The following CLCA2 variants were observed in gnomAD, a reference collection of about 807,000 sequenced individuals.
The protein encoded by CLCA2 is chloride channel accessory 2.
A neutral mutation model predicts 82.9 loss-of-function variants in CLCA2; 85 were observed. The observed-to-expected ratio is 1.03, with a 90% CI of 0.86 to 1.23. The LOEUF (loss-of-function observed/expected upper bound fraction) is 1.23. CLCA2 is among the 50% of genes most tolerant of loss of function. The pLI, the probability that CLCA2 is intolerant of heterozygous loss-of-function variation, is 0.00. For synonymous variants in CLCA2, 421 were observed against 391.7 expected (o/e 1.07, Z -0.88); for missense variants, 1,089 against 1,124.8 (o/e 0.97, Z 0.45).
chr1:86,453,331 A>G, intron 12 of CLCA2, 38 bp from the exon 13 acceptor site: 1 of 1,532,670 alleles, frequency 6.5e-7, no homozygotes, highest in Non-Finnish European at 9.0e-7. Flanking sequence ...AAGCTTTGTA[A>G]TTTGTCATTT....
chr1:86,438,657 C>G (rs1433720701), intron 6 of CLCA2, among the ~76,000 whole-genome samples: 1 of 152,136 alleles, frequency 6.6e-6, no homozygotes, highest in Non-Finnish European at 1.5e-5. Context: ...TTGTTGGAGG[C>G]AGAGCCCCAA....
In CLCA2 at chr1:86,453,413, G is replaced by A. The variant is rs759151260; in HGVS notation, c.2200G>A (p.Glu734Lys). ...TCCAAGGAAATCAGTAGGCAGAAAT[G>A]AGGAGGAGCGAAAGTGGGGCTTTAG... ...NAPRKSVGRNEEERKWGFSRV... is the reference protein window; with the variant it reads ...NAPRKSVGRNKEERKWGFSRV... The change falls in exon 13 of 14, where the codon GAG becomes AAG. Residue 734 changes from glutamate (E) to lysine (K), a missense_variant. Glu to Lys is a moderately conservative substitution (Grantham distance 56). Transcript: ENST00000370565. The A allele has an allele frequency of 7.4e-6, 12 of 1,614,104 alleles. No individual in the cohort carries two copies. In the Admixed American group the frequency reaches 1.8e-4, roughly 25 times the overall value.
chr1:86,428,257 A>G (rs1466046554), intron 2 of CLCA2, among the ~76,000 whole-genome samples, 161 bp from the exon 3 acceptor site: 1 of 152,204 alleles, frequency 6.6e-6, no homozygotes, highest in African/African-American at 2.4e-5. Context: ...TCCATCCACA[A>G]GGTGTTTTTC....
intron 6 of CLCA2, among the ~76,000 whole-genome samples, chr1:86,437,850 T>A (rs2101699391): frequency 6.6e-6 from 1 of 152,214 alleles, no homozygotes; most frequent in African/African-American, 2.4e-5. Context: ...GCTATTCTAT[T>A]GTGAGTGCTT....
At position 86,432,410 on chromosome 1, in the gene CLCA2, G is replaced by T. The variant is rs374119645; in HGVS notation, c.626G>T (p.Gly209Val). 5.6e-6 allele frequency: 9 copies of T among 1,613,776 alleles called. No homozygotes were observed. The highest frequency in any genetic ancestry group is 3.3e-5 in the Admixed American group (2 of 59,960). The change falls in exon 5 of 14, where the codon GGT (glycine) becomes GTT (valine). Residue 209 changes from glycine to valine, a missense_variant. Physicochemically the swap from Gly to Val is moderately radical, Grantham distance 109 (BLOSUM62 -3). Coordinates refer to ENST00000370565, the MANE Select transcript of CLCA2 (RefSeq NM_006536.7). The part of the protein sequence containing the change: ...DITGIFVCEK[G>V]PCPQENCIIS... Reference sequence around the variant, plus strand: ...ACAGGCATTTTTGTGTGTGAAAAAGGTCCTTGCCCCCAAGAAAACTGTATT... The same window carrying T: ...ACAGGCATTTTTGTGTGTGAAAAAGTTCCTTGCCCCCAAGAAAACTGTATT...
Position 86,450,645 on chromosome 1 carries a change from G to T in CLCA2, c.2067G>T (p.Val689=). 1 of 1,613,482 alleles carries T rather than the reference G, an allele frequency of 6.2e-7. No homozygotes were observed. Among genetic ancestry groups the T allele is most frequent in the African/African-American group, 1.3e-5 (1 of 75,008 alleles). Residue 689 remains valine (V), a synonymous_variant, in exon 12 of 14, where the codon GTG becomes GTT. Coordinates refer to ENST00000370565, the MANE Select transcript of CLCA2 (RefSeq NM_006536.7). The part of the protein sequence containing the change: ...FAANGRYSLK[V]HVNHSPSIST... The stretch of plus-strand genomic sequence containing the variant: ...CAAATGGTAGATATAGCTTGAAAGT[G>T]CATGTCAATCACTCTCCCAGCATAA...
chr1:86,449,110 C>T (rs146114691), intron 11 of CLCA2, among the ~76,000 whole-genome samples: 6 of 152,346 alleles, frequency 3.9e-5, no homozygotes, highest in African/African-American at 9.6e-5. Flanking sequence ...ATACTTAACA[C>T]GCATGTACAT....
intron 2 of CLCA2, 57 bp from the exon 3 acceptor site, chr1:86,428,361 T>A: frequency 6.6e-7 from 1 of 1,507,498 alleles, no homozygotes. Flanking sequence ...AATGTATACA[T>A]TTATGTCACC....
At chr1:86,434,145 C>G (rs537187380) in intron 5 of CLCA2, among the ~76,000 whole-genome samples, 1 of 152,050 alleles carries the variant, frequency 6.6e-6, no homozygotes, top group Non-Finnish European at 1.5e-5. Context: ...AAGGAGTAGG[C>G]TGATCATGAT....
intron 11 of CLCA2, 112 bp from the exon 12 acceptor site, chr1:86,450,451 T>A (rs1570267615): frequency 1.3e-6 from 1 of 755,628 alleles, no homozygotes; most frequent in Non-Finnish European, 2.0e-6. Flanking sequence ...AAGAGCATGA[T>A]AATATATCTT....
chr1:86,431,154 G>A (rs2101692670), intron 4 of CLCA2, among the ~76,000 whole-genome samples, 184 bp downstream of exon 4: 1 of 152,152 alleles, frequency 6.6e-6, no homozygotes, highest in African/African-American at 2.4e-5. Flanking sequence ...CTTTAAATTG[G>A]TATTTATGTG....
chr1:86,436,629 A>C (rs1295128515), intron 6 of CLCA2, among the ~76,000 whole-genome samples: 1 of 152,194 alleles, frequency 6.6e-6, no homozygotes, highest in Admixed American at 6.5e-5. Context: ...TGAAAAACTA[A>C]AAACTCCACT....
intron 4 of CLCA2, among the ~76,000 whole-genome samples, chr1:86,432,038 C>A (rs547011304): frequency 6.6e-6 from 1 of 152,138 alleles, no homozygotes; most frequent in Non-Finnish European, 1.5e-5. Flanking sequence ...TGGGTTCAAG[C>A]AATTCTCCTG....
rs909274262 is a variant in CLCA2 at position 86,456,376 on chromosome 1, G to GT, written c.*855dup. The GT allele has an allele frequency of 6.6e-6, 1 of 152,130 alleles. No individual in the cohort carries two copies. Among genetic ancestry groups the GT allele is most frequent in the Non-Finnish European group, 1.5e-5 (1 of 68,032 alleles). The allele number at this position is 152,130 out of a possible 1,614,324, so 9.4% of individuals were successfully genotyped here. On this transcript the variant is annotated 3_prime_UTR_variant, in exon 14 of 14. Coordinates refer to ENST00000370565, the MANE Select transcript of CLCA2 (RefSeq NM_006536.7). ...CCTTTGGAAATGATTAGCTGGCTCTGTTTTTTGGTTAAATAAGAGTCTTTA... is the reference window on the plus strand; with the variant it reads ...CCTTTGGAAATGATTAGCTGGCTCTGTTTTTTTGGTTAAATAAGAGTCTTTA...
At chr1:86,434,257 AC>A (rs3835427) in intron 5 of CLCA2, among the ~76,000 whole-genome samples, 41,591 of 151,952 alleles carry the variant, frequency 0.27, 5,839 homozygotes, top group East Asian at 0.41. Context: ...ATATACACAT[AC>A]ATGGTTTGTT....
At chr1:86,437,644 C>T (rs1301655445) in intron 6 of CLCA2, among the ~76,000 whole-genome samples, 1 of 152,122 alleles carries the variant, frequency 6.6e-6, no homozygotes, top group Non-Finnish European at 1.5e-5. Context: ...CTGGGTAGAT[C>T]TGAGAGGTGG....
At chr1:86,438,574 G>A (rs997225411) in intron 6 of CLCA2, among the ~76,000 whole-genome samples, 1 of 152,144 alleles carries the variant, frequency 6.6e-6, no homozygotes, top group Non-Finnish European at 1.5e-5. Flanking sequence ...CTGGGTTCAT[G>A]AATCTTTGAA....
chr1:86,450,226 A>C (rs1422489257), intron 11 of CLCA2, among the ~76,000 whole-genome samples: 1 of 152,214 alleles, frequency 6.6e-6, no homozygotes, highest in Admixed American at 6.5e-5. Context: ...AGGGTCAATG[A>C]CTATAAGCAA....
At chr1:86,447,859 T>A in intron 11 of CLCA2, 81 bp downstream of exon 11, 1 of 1,396,728 alleles carries the variant, frequency 7.2e-7, no homozygotes, top group Non-Finnish European at 9.5e-7. Flanking sequence ...ATTAAGCTTA[T>A]CTGTAAGATT....
Sources: gnomAD v4.1 joint callset for allele counts (sites outside exome capture counted in the v4.1 genomes callset) on GRCh38, gnomAD v4.1.1 for gene constraint, MANE v1.5 for transcripts, NCBI Gene and HGNC (gene_info 2026-07-23, HGNC 2026-07-21) for gene names.